CMTR1: variants seen among roughly 807,000 people sequenced by gnomAD.
The protein encoded by CMTR1 is cap methyltransferase 1.
CMTR1 carries 39 observed loss-of-function variants against 107.0 expected under a neutral mutation model. The ratio of observed to expected loss-of-function variants is 0.36; its 90% CI spans 0.28 to 0.48. CMTR1 has a LOEUF of 0.48. Among genes scored for constraint, CMTR1 ranks in the 20% least tolerant of loss-of-function variants. The probability of loss-of-function intolerance (pLI) is 0.99; values close to 1 mark genes in which losing one functional copy is unlikely to be tolerated. For synonymous variants in CMTR1, 366 were observed against 379.5 expected, an observed-to-expected ratio of 0.96 and a Z score of 0.41; for missense variants, 672 against 1,064.9, an observed-to-expected ratio of 0.63 and a Z score of 5.14.
chr6:37,468,659 G>A (rs1761557383), intron 13 of CMTR1, among the ~76,000 whole-genome samples: 1 of 152,022 alleles, frequency 6.6e-6, no homozygotes, highest in Non-Finnish European at 1.5e-5. Flanking sequence ...TGAGGCAGGT[G>A]GATCACCTGA....
At chr6:37,477,471 G>A (rs1001575210) in intron 20 of CMTR1, 121 bp from the exon 21 acceptor site, 5 of 854,574 alleles carry the variant, frequency 5.9e-6, no homozygotes, top group Admixed American at 3.5e-5. Flanking sequence ...GGGCTGGGTG[G>A]TTTCAGGGAG....
chr6:37,460,150 T>G (rs925262563), intron 10 of CMTR1, among the ~76,000 whole-genome samples: 1 of 152,242 alleles, frequency 6.6e-6, no homozygotes, highest in Non-Finnish European at 1.5e-5. Context: ...GGCATTCCTT[T>G]CTGGAGTGAG....
In CMTR1 at chr6:37,479,110, G is replaced by C. The variant is rs1581757528; in HGVS notation, c.2267-37G>C. The C allele has an allele frequency of 4.8e-6, 7 of 1,465,726 alleles. No individual in the cohort carries two copies. In the East Asian group the frequency reaches 1.4e-4, roughly 28 times the overall value. The allele number at this position is 1,465,726 out of a possible 1,614,324, so 90.8% of individuals were successfully genotyped here. A position where few individuals can be genotyped will look rare whatever the true frequency, so the allele number is the denominator to read the frequency against. On this transcript the variant is annotated intron_variant, in intron 22 of 23. Transcript: ENST00000373451. The stretch of plus-strand genomic sequence containing the variant: ...CGCCTGTCCTCCACAAGTGCTTTGT[G>C]TCCCTTCTGGGCTTCATCCCCTCTT...
At chr6:37,479,112 C>A in intron 22 of CMTR1, 35 bp from the exon 23 acceptor site, 1 of 1,479,800 alleles carries the variant, frequency 6.8e-7, no homozygotes, top group Non-Finnish European at 9.4e-7. Flanking sequence ...TGCTTTGTGT[C>A]CCTTCTGGGC....
chr6:37,480,189 T>C lies in CMTR1; in HGVS notation c.*44T>C. 1.9e-6 allele frequency: 3 copies of C among 1,594,988 alleles called. No individual in the cohort carries two copies. Among genetic ancestry groups the C allele is most frequent in the Middle Eastern group, 1.8e-4 (1 of 5,630 alleles). On this transcript the variant is annotated 3_prime_UTR_variant, in exon 24 of 24. Coordinates refer to ENST00000373451, the MANE Select transcript of CMTR1 (RefSeq NM_015050.3). ...CCCCTGCAGAATGCCCTGTCATTCCTGAGATGGGGCCACCTGGGGCCCACA... is the reference window on the plus strand; with the variant it reads ...CCCCTGCAGAATGCCCTGTCATTCCCGAGATGGGGCCACCTGGGGCCCACA...
intron 8 of CMTR1, among the ~76,000 whole-genome samples, chr6:37,455,102 G>A (rs925758178): frequency 7.8e-6 from 1 of 128,580 alleles, no homozygotes; most frequent in Non-Finnish European, 1.7e-5. Flanking sequence ...TTTTTTTTTC[G>A]AGACGGAGTT....
At chr6:37,457,363 C>T (rs1581740184) in intron 8 of CMTR1, among the ~76,000 whole-genome samples, 1 of 152,132 alleles carries the variant, frequency 6.6e-6, no homozygotes, top group African/African-American at 2.4e-5. Flanking sequence ...GCTGCTGTTG[C>T]TGCACAACAG....
chr6:37,430,095 A>C (rs1771342099), upstream of CMTR1, among the ~76,000 whole-genome samples: 1 of 152,202 alleles, frequency 6.6e-6, no homozygotes, highest in African/African-American at 2.4e-5. Context: ...TTGTTGTGCA[A>C]AATATGTGCA....
At chr6:37,465,058 C>T (rs959787423) in intron 13 of CMTR1, among the ~76,000 whole-genome samples, 4 of 151,936 alleles carry the variant, frequency 2.6e-5, no homozygotes, top group Non-Finnish European at 4.4e-5. Context: ...CACCTGAGGT[C>T]GGGAGTTTGA....
rs187498507 is a variant in CMTR1, at chr6:37,458,926, T to C, written c.976+116T>C. ...ATTTTCTTTCCTAGGTCTCTTACCC[T>C]GGGCTTCACAGTTCATGTCAGAATC... is the stretch of plus-strand genomic sequence containing the variant. On this transcript the variant is annotated intron_variant, in intron 9 of 23. Transcript: ENST00000373451. This position sits in a 1 kb window ranked among gnomAD's most constrained non-coding sequence, Gnocchi z 4.7. 3.3e-3 allele frequency: 3,012 copies of C among 925,004 alleles called. 5 individuals carry two copies. Among genetic ancestry groups the C allele is most frequent in the Non-Finnish European group, 4.4e-3 (2,700 of 616,108 alleles). 57.3% of individuals were successfully genotyped at this position (925,004 alleles called of 1,614,324 possible).
At chr6:37,473,701 C>A in intron 17 of CMTR1, 100 bp downstream of exon 17, 2 of 1,376,524 alleles carry the variant, frequency 1.5e-6, no homozygotes, top group Non-Finnish European at 2.0e-6. Flanking sequence ...GTTCTCTTGG[C>A]ATTAAGTAGC....
intron 18 of CMTR1, among the ~76,000 whole-genome samples, 153 bp downstream of exon 18, chr6:37,474,799 A>C (rs1045173078): frequency 3.3e-5 from 5 of 152,200 alleles, no homozygotes; most frequent in African/African-American, 1.2e-4. Flanking sequence ...CTCCTCCCCG[A>C]GCAGTTGCTC....
Sources: gnomAD v4.1 joint callset for allele counts (sites outside exome capture counted in the v4.1 genomes callset) on GRCh38, gnomAD v4.1.1 for gene constraint, Gnocchi (gnomAD v3.1) non-coding constraint, MANE v1.5 for transcripts, NCBI Gene and HGNC (gene_info 2026-07-23, HGNC 2026-07-21) for gene names.